The following CACNA1C variants were observed in gnomAD, a reference collection of about 807,000 sequenced individuals.
CACNA1C encodes the protein calcium voltage-gated channel subunit alpha1 C, also known as voltage-dependent L-type calcium channel subunit alpha-1C.
In CACNA1C, 30 loss-of-function variants were observed where a neutral mutation model predicts 229.0. That is an observed-to-expected ratio of 0.13 (90% CI 0.10 to 0.18). The LOEUF is 0.18. Ranked by LOEUF, CACNA1C falls within the 10% of genes least tolerant of loss-of-function variation. CACNA1C has a pLI of 1.00. For missense variants in CACNA1C, 1,658 were observed against 2,845.0 expected (o/e 0.58, Z 9.49); for synonymous variants, 1,114 against 1,132.5 (o/e 0.98, Z 0.33).
chr12:2,504,264 A>C lies in CACNA1C; in HGVS notation c.1114-578A>C, dbSNP rs757839539. Among the ~76,000 whole-genome samples, 3 of 152,036 alleles carry C rather than the reference A, an allele frequency of 2.0e-5. No individual in the cohort carries two copies. Among genetic ancestry groups the C allele is most frequent in the Admixed American group, 2.0e-4 (3 of 15,268 alleles). ...GGCCGAGGTCCCCTTCGGTCACAGG[A>C]GTTCCTTTGAACATGGGCGATGCCC... On this transcript the variant is annotated intron_variant, in intron 7 of 46. Coordinates refer to ENST00000399655, the MANE Select transcript of CACNA1C (RefSeq NM_000719.7). This position sits in a 1 kb window ranked among gnomAD's most constrained non-coding sequence, Gnocchi z 6.8.
intron 3 of CACNA1C, among the ~76,000 whole-genome samples, chr12:2,256,240 G>T (rs1397384655): frequency 6.6e-6 from 1 of 152,088 alleles, no homozygotes; most frequent in African/African-American, 2.4e-5. Context: ...AAGCTTCATA[G>T]TTCAGCCTTG....
intron 4 of CACNA1C, among the ~76,000 whole-genome samples, chr12:2,453,720 G>A (rs972288119): frequency 7.2e-5 from 11 of 151,968 alleles, no homozygotes; most frequent in East Asian, 3.9e-4. Flanking sequence ...ATAGTCCCTC[G>A]CCTGTTCAGG....
rs1384280348 is a variant in CACNA1C at position 2,607,036 on chromosome 12, C to G, written c.3262C>G (p.Pro1088Ala). Residue 1088 changes from proline to alanine, a missense_variant, in exon 26 of 47, where the codon CCC (proline) becomes GCC (alanine). By Grantham distance (27) the Pro-to-Ala change is conservative. Coordinates refer to ENST00000399655, the MANE Select transcript of CACNA1C (RefSeq NM_000719.7). ...GGAGGTTGACCACCCCATCATCCAA[C>G]CCCGCAGCTGGGAGAACAGCAAGTT... ...DGEVDHPIIQ[P>A]RSWENSKFDF... 1 of 1,613,902 alleles carries G rather than the reference C, an allele frequency of 6.2e-7. No homozygotes were observed. Among genetic ancestry groups the G allele is most frequent in the Non-Finnish European group, 8.5e-7 (1 of 1,179,898 alleles).
intron 24 of CACNA1C, among the ~76,000 whole-genome samples, chr12:2,606,045 G>A (rs1056244858): frequency 6.6e-6 from 1 of 152,102 alleles, no homozygotes; most frequent in Non-Finnish European, 1.5e-5. Context: ...CTTCTAGAAA[G>A]AGAGAGAGAG....
chr12:1,992,800 T>C, intron 1 of CACNA1C: 1 of 239,384 alleles, frequency 4.2e-6, no homozygotes, highest in Non-Finnish European at 8.1e-6. Flanking sequence ...TTTATTTACT[T>C]GTATTCAGAA....
intron 29 of CACNA1C, among the ~76,000 whole-genome samples, chr12:2,627,874 G>A (rs1038137114): frequency 4.6e-5 from 7 of 152,148 alleles, no homozygotes; most frequent in Non-Finnish European, 1.0e-4. Context: ...TGACCCATGT[G>A]TCCTAGGAGG....
At position 2,584,661 on chromosome 12, in the gene CACNA1C, A is replaced by G. The variant is rs199706686; in HGVS notation, c.2339+44A>G. On this transcript the variant is annotated intron_variant, in intron 16 of 46. Coordinates refer to ENST00000399655, the MANE Select transcript of CACNA1C (RefSeq NM_000719.7). ...CCAGGCCTGGGGCTCCAGGGCTCCC[A>G]TTGTGGAATGTCTTCCCACTGGTGG... 17 of 1,291,718 alleles carry G rather than the reference A, an allele frequency of 1.3e-5. No individual in the cohort carries two copies. The African/African-American group carries it at 1.5e-4, about 11-fold the overall frequency. The allele number at this position is 1,291,718 out of a possible 1,614,324, so 80.0% of individuals were successfully genotyped here.
At chr12:2,325,696 C>T (rs1489052034) in intron 3 of CACNA1C, among the ~76,000 whole-genome samples, 1 of 152,268 alleles carries the variant, frequency 6.6e-6, no homozygotes, top group Non-Finnish European at 1.5e-5. Flanking sequence ...TGAGGGCAAA[C>T]AGGTTTTGCT....
At chr12:2,177,632 CTCTCTT>C (rs1566165599) in intron 3 of CACNA1C, among the ~76,000 whole-genome samples, 54 of 118,298 alleles carry the variant, frequency 4.6e-4, no homozygotes, top group African/African-American at 1.2e-3. Context: ...TTCCTTCTCT[CTCTCTT>C]TCTTTCTTTC....
chr12:2,489,085 T>G (rs2154571077), intron 6 of CACNA1C, among the ~76,000 whole-genome samples: 1 of 152,348 alleles, frequency 6.6e-6, no homozygotes, highest in Admixed American at 6.5e-5. Flanking sequence ...AACTTTGGAA[T>G]GGGTGGTTTA....
At chr12:2,147,291 G>T (rs1439500007) in intron 3 of CACNA1C, among the ~76,000 whole-genome samples, 1 of 151,358 alleles carries the variant, frequency 6.6e-6, no homozygotes, top group Non-Finnish European at 1.5e-5. Context: ...TAGAAACAGC[G>T]TGCTATAGAG....
intron 3 of CACNA1C, among the ~76,000 whole-genome samples, chr12:2,271,855 C>T (rs1163946027): frequency 6.6e-6 from 1 of 152,098 alleles, no homozygotes; most frequent in Non-Finnish European, 1.5e-5. Flanking sequence ...GTGATCACAC[C>T]ACTGTACTCC....
At chr12:2,455,468 C>T (rs1286450635) in intron 4 of CACNA1C, among the ~76,000 whole-genome samples, 9 of 152,208 alleles carry the variant, frequency 5.9e-5, no homozygotes, top group South Asian at 4.1e-4. Flanking sequence ...TTGGCTATGT[C>T]GGGTGAAATA....
intron 9 of CACNA1C, among the ~76,000 whole-genome samples, chr12:2,537,575 TG>T (rs2099858736): frequency 6.6e-6 from 1 of 152,168 alleles, no homozygotes; most frequent in Non-Finnish European, 1.5e-5. Flanking sequence ...GGAGGAGGAT[TG>T]GGGGTGCAAA....
intron 1 of CACNA1C, among the ~76,000 whole-genome samples, chr12:2,044,771 C>T (rs192639229): frequency 1.3e-5 from 2 of 152,204 alleles, no homozygotes; most frequent in East Asian, 3.9e-4. Context: ...GTGGCCTGGT[C>T]CCAAATGTCA....
intron 1 of CACNA1C, among the ~76,000 whole-genome samples, chr12:1,993,627 G>GGTGTGTGTGTGTGTGTGTGT (rs150056084): frequency 3.5e-4 from 51 of 146,584 alleles, no homozygotes; most frequent in Non-Finnish European, 3.5e-4. Context: ...CTTCATTTGT[G>GGTGTGTGTGTGTGTGTGTGT]GTGTGTGTGT....
chr12:2,070,809 T>C (rs965347061), intron 1 of CACNA1C, among the ~76,000 whole-genome samples: 2 of 152,072 alleles, frequency 1.3e-5, no homozygotes, highest in African/African-American at 4.8e-5. Context: ...CATTATCTCT[T>C]TCTTTCTTTC....
At chr12:2,450,487 G>A (rs1407735970) in intron 4 of CACNA1C, among the ~76,000 whole-genome samples, 2 of 136,694 alleles carry the variant, frequency 1.5e-5, no homozygotes, top group African/African-American at 2.9e-5. Context: ...CCGGGAGGCG[G>A]AGCTTACAGT....
intron 3 of CACNA1C, among the ~76,000 whole-genome samples, chr12:2,233,721 A>G (rs996976138): frequency 2.0e-5 from 3 of 152,312 alleles, no homozygotes; most frequent in Middle Eastern, 3.4e-3. Context: ...TGACTTGATA[A>G]GACCTCTGAA....
Sources: gnomAD v4.1 joint callset for allele counts (sites outside exome capture counted in the v4.1 genomes callset) on GRCh38, gnomAD v4.1.1 for gene constraint, Gnocchi (gnomAD v3.1) non-coding constraint, MANE v1.5 for transcripts, NCBI Gene and HGNC (gene_info 2026-07-23, HGNC 2026-07-21) for gene names.